The following LRRTM4 variants were observed in gnomAD, a reference collection of about 807,000 sequenced individuals.
The protein encoded by LRRTM4 is leucine rich repeat transmembrane neuronal 4.
In LRRTM4, 25 loss-of-function variants were observed where a neutral mutation model predicts 47.6. The observed-to-expected ratio is 0.53, with a 90% confidence interval of 0.38 to 0.73. The LOEUF (loss-of-function observed/expected upper bound fraction) is 0.73. LRRTM4 is among the 30% of genes least tolerant of loss of function. The pLI, the probability that LRRTM4 is intolerant of heterozygous loss-of-function variation, is 0.00. For missense variants in LRRTM4, 638 were observed against 713.4 expected (o/e 0.89, Z 1.20); for synonymous variants, 311 against 269.5 (o/e 1.15, Z -1.51).
chr2:77,250,644 G>A (rs1177273771), intron 3 of LRRTM4, among the ~76,000 whole-genome samples: 1 of 152,074 alleles, frequency 6.6e-6, no homozygotes, highest in East Asian at 1.9e-4. Flanking sequence ...AACACAAATT[G>A]TACAGAAAAA....
At chr2:76,871,023 A>G (rs1345897269) in intron 3 of LRRTM4, among the ~76,000 whole-genome samples, 1 of 152,178 alleles carries the variant, frequency 6.6e-6, no homozygotes, top group African/African-American at 2.4e-5. Flanking sequence ...CTTACAGACA[A>G]CACAATTAGG....
intron 3 of LRRTM4, among the ~76,000 whole-genome samples, chr2:77,183,667 A>G (rs994434014): frequency 4.6e-5 from 7 of 152,172 alleles, no homozygotes; most frequent in Non-Finnish European, 5.9e-5. Flanking sequence ...AATAGCAAAG[A>G]CTTGGAACCA....
chr2:76,943,413 C>T (rs1303892130), intron 3 of LRRTM4, among the ~76,000 whole-genome samples: 1 of 152,002 alleles, frequency 6.6e-6, no homozygotes, highest in Non-Finnish European at 1.5e-5. Context: ...CCCCGCCTGG[C>T]AACAAAGCAA....
At chr2:76,921,548 C>A (rs1336433224) in intron 3 of LRRTM4, among the ~76,000 whole-genome samples, 1 of 151,844 alleles carries the variant, frequency 6.6e-6, no homozygotes, top group Non-Finnish European at 1.5e-5. Context: ...GCAGGTAGTA[C>A]CTATATAAAT....
chr2:77,046,259 T>C (rs1386798577), intron 3 of LRRTM4, among the ~76,000 whole-genome samples: 2 of 152,006 alleles, frequency 1.3e-5, no homozygotes, highest in African/African-American at 4.8e-5. Context: ...AATTTTAAAG[T>C]GCAGGCTGTT....
chr2:77,006,170 C>T (rs151221648), intron 3 of LRRTM4, among the ~76,000 whole-genome samples: 3 of 152,092 alleles, frequency 2.0e-5, no homozygotes, highest in African/African-American at 7.2e-5. Flanking sequence ...ATGTTTTAAA[C>T]AAAGGACATT....
chr2:77,094,942 A>C (rs761410553), intron 3 of LRRTM4, among the ~76,000 whole-genome samples: 13 of 152,218 alleles, frequency 8.5e-5, no homozygotes, highest in Non-Finnish European at 8.8e-5. Flanking sequence ...AGATTGTACC[A>C]ACCTAAAAGC....
intron 3 of LRRTM4, among the ~76,000 whole-genome samples, chr2:77,251,658 G>C (rs1675620543): frequency 6.6e-6 from 1 of 152,104 alleles, no homozygotes; most frequent in South Asian, 2.1e-4. Context: ...CTGAGATGAA[G>C]AGAGGTTATA....
At chr2:77,466,379 G>A (rs1676982561) in intron 3 of LRRTM4, among the ~76,000 whole-genome samples, 1 of 152,148 alleles carries the variant, frequency 6.6e-6, no homozygotes, top group Admixed American at 6.5e-5. Flanking sequence ...CTGAGTGTAA[G>A]TTTTTCAAGT....
At chr2:77,048,521 C>T (rs1008826804) in intron 3 of LRRTM4, among the ~76,000 whole-genome samples, 1 of 151,914 alleles carries the variant, frequency 6.6e-6, no homozygotes, top group Admixed American at 6.6e-5. Flanking sequence ...TAAAACCATG[C>T]TGGAAAAGAG....
intron 3 of LRRTM4, among the ~76,000 whole-genome samples, chr2:77,147,909 G>C (rs1672302161): frequency 6.6e-6 from 1 of 152,114 alleles, no homozygotes; most frequent in Admixed American, 6.5e-5. Context: ...TTTAAGCATT[G>C]AGGGTTTATG....
chr2:77,386,168 A>G (rs1358302302), intron 3 of LRRTM4, among the ~76,000 whole-genome samples: 1 of 152,162 alleles, frequency 6.6e-6, no homozygotes, highest in African/African-American at 2.4e-5. Context: ...ATCGCATTTG[A>G]AGACTAAAAT....
At chr2:76,972,929 G>A (rs959338381) in intron 3 of LRRTM4, among the ~76,000 whole-genome samples, 2 of 151,912 alleles carry the variant, frequency 1.3e-5, no homozygotes, top group African/African-American at 4.8e-5. Context: ...ATAATTCTGT[G>A]TTTCCTTTTC....
chr2:77,222,553 C>G (rs1674668564), intron 3 of LRRTM4, among the ~76,000 whole-genome samples: 2 of 152,158 alleles, frequency 1.3e-5, no homozygotes, highest in African/African-American at 4.8e-5. Flanking sequence ...GAACTACAAA[C>G]TATCATCAGA....
At chr2:76,908,842 G>C (rs565004202) in intron 3 of LRRTM4, among the ~76,000 whole-genome samples, 1 of 152,092 alleles carries the variant, frequency 6.6e-6, no homozygotes, top group Non-Finnish European at 1.5e-5. Flanking sequence ...GGAAATAAAA[G>C]AGGATACAAA....
At chr2:76,888,569 C>A (rs1673151987) in intron 3 of LRRTM4, among the ~76,000 whole-genome samples, 1 of 151,620 alleles carries the variant, frequency 6.6e-6, no homozygotes, top group South Asian at 2.1e-4. Context: ...AAACTTACTT[C>A]AAGTAAAAAA....
At chr2:76,794,077 G>T (rs1000081095) in intron 3 of LRRTM4, among the ~76,000 whole-genome samples, 4 of 152,174 alleles carry the variant, frequency 2.6e-5, no homozygotes, top group African/African-American at 9.6e-5. Context: ...TGTAAAAGCG[G>T]TTGTCAGTCT....
chr2:76,769,255 C>A (rs555065851), intron 3 of LRRTM4, among the ~76,000 whole-genome samples: 1 of 152,142 alleles, frequency 6.6e-6, no homozygotes, highest in East Asian at 1.9e-4. Context: ...CTTAATCTAC[C>A]CTGAAAAACA....
intron 3 of LRRTM4, among the ~76,000 whole-genome samples, chr2:76,933,224 GAAAATTGTTTCTAAACAATCAAT>G (rs924746852): frequency 1.3e-5 from 2 of 151,992 alleles, no homozygotes; most frequent in African/African-American, 4.8e-5. Context: ...AGTAATCAAT[GAAAATTGTTTCTAAACAATCAAT>G]AAAATTGTTT....
Sources: gnomAD v4.1 joint callset for allele counts (sites outside exome capture counted in the v4.1 genomes callset) on GRCh38, gnomAD v4.1.1 for gene constraint, MANE v1.5 for transcripts, NCBI Gene and HGNC (gene_info 2026-07-23, HGNC 2026-07-21) for gene names.